Variants in SLC60A1 observed in about 807,000 individuals in gnomAD.
The protein encoded by SLC60A1 is solute carrier family 60 member 1.
At chr1:205,582,057 A>G in the SLC60A1 span, among the ~76,000 whole-genome samples, 2 of 152,104 alleles carry the variant, frequency 1.3e-5, no homozygotes, top group African/African-American at 4.8e-5. Flanking sequence ...CCTGGCCCGA[A>G]TCTCCTCTGG....
chr1:205,578,449 C>G, the SLC60A1 span, among the ~76,000 whole-genome samples: 63 of 152,340 alleles, frequency 4.1e-4, no homozygotes, highest in African/African-American at 1.4e-3. Context: ...TCTCCTCCCC[C>G]ATGAGTTCTG....
chr1:205,583,998 G>T, the SLC60A1 span: 4 of 1,613,860 alleles, frequency 2.5e-6, no homozygotes, highest in Non-Finnish European at 3.4e-6. Context: ...TCCAAGGAGC[G>T]GCTGCTGACC....
chr1:205,593,507 G>A, the SLC60A1 span, among the ~76,000 whole-genome samples: 4 of 151,212 alleles, frequency 2.6e-5, no homozygotes, highest in South Asian at 8.4e-4. Flanking sequence ...AGTGGGGGAA[G>A]TTGGTGTACA....
chr1:205,569,338 C>T, the SLC60A1 span: 3 of 1,400,968 alleles, frequency 2.1e-6, no homozygotes, highest in Non-Finnish European at 2.8e-6. Flanking sequence ...CCGCGGCCCC[C>T]GGCACCCACC....
the SLC60A1 span, among the ~76,000 whole-genome samples, chr1:205,586,973 C>T: frequency 2.3e-3 from 347 of 152,262 alleles, 2 homozygotes; most frequent in Middle Eastern, 0.02. Flanking sequence ...GCTGGGATTA[C>T]AGGAGTAAGC....
At chr1:205,582,662 C>T in the SLC60A1 span, among the ~76,000 whole-genome samples, 1 of 152,180 alleles carries the variant, frequency 6.6e-6, no homozygotes, top group Non-Finnish European at 1.5e-5. Context: ...TTCCTGTTTC[C>T]CCCCTCACAC....
At chr1:205,586,582 G>T in the SLC60A1 span, among the ~76,000 whole-genome samples, 22 of 152,306 alleles carry the variant, frequency 1.4e-4, no homozygotes, top group African/African-American at 5.1e-4. Context: ...GTGCCCAGCT[G>T]CTCAGAGCCC....
the SLC60A1 span, chr1:205,584,096 C>T: frequency 3.7e-6 from 6 of 1,613,916 alleles, no homozygotes; most frequent in South Asian, 6.6e-5. Context: ...TGCCTCCTCA[C>T]TGCCCCCAAA....
chr1:205,600,412 C>A, the SLC60A1 span: 1 of 1,614,072 alleles, frequency 6.2e-7, no homozygotes, highest in East Asian at 2.2e-5. Context: ...GTAGTTCCTA[C>A]CCAAGACAGA....
chr1:205,579,779 A>G, the SLC60A1 span: 1 of 1,613,236 alleles, frequency 6.2e-7, no homozygotes, highest in Non-Finnish European at 8.5e-7. Flanking sequence ...GGCCCTGTTC[A>G]CCTCCTCTCT....
At chr1:205,583,560 G>A in the SLC60A1 span, among the ~76,000 whole-genome samples, 6 of 152,164 alleles carry the variant, frequency 3.9e-5, no homozygotes, top group Admixed American at 2.0e-4. Flanking sequence ...AGCATGTTTT[G>A]TAGAGATGTG....
At chr1:205,586,410 G>T in the SLC60A1 span, among the ~76,000 whole-genome samples, 1 of 152,176 alleles carries the variant, frequency 6.6e-6, no homozygotes, top group African/African-American at 2.4e-5. Context: ...ACCATGAAAA[G>T]TCCCTTCCCC....
chr1:205,593,608 C>T, the SLC60A1 span, among the ~76,000 whole-genome samples: 2 of 152,240 alleles, frequency 1.3e-5, no homozygotes, highest in East Asian at 3.9e-4. Flanking sequence ...AATTTTAGCA[C>T]ATAACATCAC....
At chr1:205,587,745 A>G in the SLC60A1 span, among the ~76,000 whole-genome samples, 3 of 152,260 alleles carry the variant, frequency 2.0e-5, no homozygotes, top group Non-Finnish European at 4.4e-5. Flanking sequence ...CTCTAAGCTC[A>G]GCAAGGAGGA....
the SLC60A1 span, among the ~76,000 whole-genome samples, chr1:205,587,644 G>A: frequency 6.6e-6 from 1 of 152,186 alleles, no homozygotes; most frequent in East Asian, 1.9e-4. Context: ...ATTAGGAGGA[G>A]GAGTCTGTGA....
chr1:205,592,238 C>T, the SLC60A1 span: 1 of 1,614,142 alleles, frequency 6.2e-7, no homozygotes, highest in Non-Finnish European at 8.5e-7. Flanking sequence ...TTCTCAGCAG[C>T]ACCTTCCCCA....
At chr1:205,600,384 C>T in the SLC60A1 span, 1 of 1,611,248 alleles carries the variant, frequency 6.2e-7, no homozygotes, top group Non-Finnish European at 8.5e-7. Flanking sequence ...AACATGCTAC[C>T]TGTTTTGTTT....
At chr1:205,600,401 T>G in the SLC60A1 span, 1 of 1,613,838 alleles carries the variant, frequency 6.2e-7, no homozygotes, top group South Asian at 1.1e-5. Flanking sequence ...GTTTTTCTTT[T>G]GTAGTTCCTA....
the SLC60A1 span, among the ~76,000 whole-genome samples, chr1:205,592,856 C>A: frequency 6.6e-6 from 1 of 152,150 alleles, no homozygotes; most frequent in Non-Finnish European, 1.5e-5. Context: ...ATGCCAAGTT[C>A]AAAGAAAAGC....
Sources: gnomAD v4.1 joint callset for allele counts (sites outside exome capture counted in the v4.1 genomes callset) on GRCh38, gnomAD v4.1.1 for gene constraint, MANE v1.5 for transcripts, NCBI Gene and HGNC (gene_info 2026-07-23, HGNC 2026-07-21) for gene names.